TMEM132D: variants seen among roughly 807,000 people sequenced by gnomAD.
The protein encoded by TMEM132D is mature OL transmembrane protein.
Under a neutral mutation model 62.3 loss-of-function variants are expected in TMEM132D, and 21 were observed. The ratio of observed to expected loss-of-function variants is 0.34; its 90% CI spans 0.24 to 0.49. The LOEUF (loss-of-function observed/expected upper bound fraction) is 0.49, where lower values mean the gene tolerates loss of function less well. Among genes scored for constraint, TMEM132D ranks in the 20% least tolerant of loss-of-function variants. The probability of loss-of-function intolerance (pLI) is 0.99; values close to 1 mark genes in which losing one functional copy is unlikely to be tolerated. For missense variants in TMEM132D, 1,346 were observed against 1,402.8 expected (o/e 0.96, Z 0.65); for synonymous variants, 621 against 575.6 (o/e 1.08, Z -1.13).
intron 8 of TMEM132D, among the ~76,000 whole-genome samples, chr12:129,077,252 C>G (rs1874292397): frequency 1.3e-5 from 2 of 152,086 alleles, no homozygotes; most frequent in African/African-American, 2.4e-5. Flanking sequence ...CCTCACCCTG[C>G]CGAGGAAGAG....
At chr12:129,811,885 C>A (rs1872197843) in intron 1 of TMEM132D, among the ~76,000 whole-genome samples, 1 of 151,698 alleles carries the variant, frequency 6.6e-6, no homozygotes. Flanking sequence ...ACACGGGATT[C>A]TTCCGCAGCT....
Position 129,321,806 on chromosome 12 carries a change from G to T in TMEM132D, c.1299+15828C>A, listed in dbSNP as rs755773693. 1.7e-3 allele frequency among the ~76,000 whole-genome samples: 263 copies of T among 152,226 alleles called. 1 individual carries two copies. The highest frequency in any genetic ancestry group is 3.1e-3 in the Non-Finnish European group (214 of 68,002). On this transcript the variant is annotated intron_variant, in intron 4 of 8. Transcript: ENST00000422113. ...GATCTCCTGACCTCGTGATCCACCC[G>T]CCTCGGCCTCCCAAAGTGCTGGGAT...
intron 4 of TMEM132D, among the ~76,000 whole-genome samples, chr12:129,281,521 G>A (rs537971653): frequency 1.3e-4 from 20 of 151,802 alleles, no homozygotes; most frequent in South Asian, 4.2e-4. Flanking sequence ...AGGCTTGTTC[G>A]TGAATTCTGT....
intron 2 of TMEM132D, among the ~76,000 whole-genome samples, chr12:129,695,963 A>G (rs1881197013): frequency 6.6e-6 from 1 of 152,196 alleles, no homozygotes; most frequent in Admixed American, 6.5e-5. Context: ...TATGACCTGC[A>G]ACTTAGAATA....
intron 4 of TMEM132D, among the ~76,000 whole-genome samples, chr12:129,260,973 G>GCATATGCA (rs1298756184): frequency 6.6e-6 from 1 of 152,120 alleles, no homozygotes; most frequent in Non-Finnish European, 1.5e-5. Flanking sequence ...TTATAAACAT[G>GCATATGCA]CATATGCATC....
At chr12:129,090,282 G>C (rs542808691) in intron 5 of TMEM132D, among the ~76,000 whole-genome samples, 5 of 152,198 alleles carry the variant, frequency 3.3e-5, no homozygotes, top group Admixed American at 6.5e-5. Flanking sequence ...CTTGCTTCAG[G>C]GGCCAGGGTG....
intron 3 of TMEM132D, among the ~76,000 whole-genome samples, chr12:129,449,007 T>C (rs188109156): frequency 6.6e-6 from 1 of 152,270 alleles, no homozygotes; most frequent in African/African-American, 2.4e-5. Context: ...CAGGCATCAG[T>C]AGTGAATAAG....
intron 2 of TMEM132D, among the ~76,000 whole-genome samples, chr12:129,656,579 T>C (rs180904690): frequency 6.6e-6 from 1 of 152,206 alleles, no homozygotes; most frequent in Admixed American, 6.5e-5. Flanking sequence ...TCTGGCCAGA[T>C]GTAATACAGT....
intron 4 of TMEM132D, among the ~76,000 whole-genome samples, chr12:129,322,348 C>G (rs1200183289): frequency 6.6e-6 from 1 of 152,142 alleles, no homozygotes. Context: ...AACTTATTTT[C>G]TTTCCACCAG....
chr12:129,190,781 GT>G lies in TMEM132D; in HGVS notation c.1443+18738del, dbSNP rs1878375354. Among the ~76,000 whole-genome samples the G allele has an allele frequency of 2.0e-5, 3 of 152,270 alleles. No homozygotes were observed. The South Asian group carries it at 6.2e-4, about 32-fold the overall frequency. ...AACTGTAAGATAACACATTTGTGTT[GT>G]TTTAAGCCACTAAATTTGTAGTCCT... On this transcript the variant is annotated intron_variant, in intron 5 of 8. Coordinates refer to ENST00000422113, the MANE Select transcript of TMEM132D (RefSeq NM_133448.3).
At chr12:129,539,234 A>ATTT (rs151124336) in intron 2 of TMEM132D, among the ~76,000 whole-genome samples, 55 of 142,816 alleles carry the variant, frequency 3.9e-4, no homozygotes, top group African/African-American at 1.4e-3. Flanking sequence ...TTATTTCCGG[A>ATTT]TTTTTTTTTT....
intron 1 of TMEM132D, among the ~76,000 whole-genome samples, chr12:129,879,727 C>T (rs544295606): frequency 6.3e-4 from 96 of 152,092 alleles, no homozygotes; most frequent in African/African-American, 2.2e-3. Flanking sequence ...TGAAGAATAC[C>T]TTCAATAGGC....
rs1471353064 is a variant in TMEM132D at position 129,485,496 on chromosome 12, C to G, written c.1115+45563G>C. ...ACCATCAGTGTCTGCCATTGCAAGA[C>G]CCTAAAATGTGTTGTCCAATGGGCC... On this transcript the variant is annotated intron_variant, in intron 3 of 8. Transcript: ENST00000422113. Among the ~76,000 whole-genome samples, 3 of 152,326 alleles carry G rather than the reference C, an allele frequency of 2.0e-5. No individual in the cohort carries two copies. The East Asian group carries it at 5.8e-4, about 29-fold the overall frequency.
chr12:129,879,677 T>C (rs539995414), intron 1 of TMEM132D, among the ~76,000 whole-genome samples: 224 of 152,100 alleles, frequency 1.5e-3, no homozygotes, highest in Non-Finnish European at 2.8e-3. Flanking sequence ...CCAACAGAAA[T>C]GCTAGAAATA....
At chr12:129,555,358 G>A (rs1877024963) in intron 2 of TMEM132D, among the ~76,000 whole-genome samples, 2 of 152,194 alleles carry the variant, frequency 1.3e-5, no homozygotes, top group Admixed American at 1.3e-4. Context: ...CAAGCCTAAG[G>A]TGGGATGAAA....
chr12:129,766,752 G>A (rs767914561), intron 1 of TMEM132D, among the ~76,000 whole-genome samples: 1 of 152,078 alleles, frequency 6.6e-6, no homozygotes, highest in African/African-American at 2.4e-5. Context: ...CTCTCCTGAA[G>A]GTCACTATCC....
intron 3 of TMEM132D, among the ~76,000 whole-genome samples, chr12:129,431,808 T>G (rs546919679): frequency 1.3e-5 from 2 of 152,188 alleles, no homozygotes; most frequent in Non-Finnish European, 2.9e-5. Context: ...ATGTCTTTGG[T>G]CCACCTCCCC....
At chr12:129,812,226 T>G (rs1872207625) in intron 1 of TMEM132D, among the ~76,000 whole-genome samples, 2 of 151,808 alleles carry the variant, frequency 1.3e-5, no homozygotes, top group Non-Finnish European at 2.9e-5. Context: ...CTCCCTCTTC[T>G]ATTTATCTCT....
At chr12:129,269,965 T>C (rs1388489274) in intron 4 of TMEM132D, among the ~76,000 whole-genome samples, 2 of 152,144 alleles carry the variant, frequency 1.3e-5, no homozygotes, top group Non-Finnish European at 2.9e-5. Context: ...GGATTCCATC[T>C]GATGGGTGAG....
Sources: allele counts gnomAD v4.1 joint callset (sites outside exome capture counted in the v4.1 genomes callset), GRCh38; gene constraint gnomAD v4.1.1; transcripts MANE v1.5; gene names NCBI Gene and HGNC (gene_info 2026-07-23, HGNC 2026-07-21).